KMT5A: variants seen among roughly 807,000 people sequenced by gnomAD.
KMT5A encodes the protein N-lysine methyltransferase KMT5A.
Under a neutral mutation model 40.6 loss-of-function variants are expected in KMT5A, and 6 were observed. That is an observed-to-expected ratio of 0.15 (90% CI 0.08 to 0.29). The LOEUF is 0.29. KMT5A is among the 10% of genes least tolerant of loss of function. KMT5A has a pLI of 1.00. For missense variants in KMT5A, 308 were observed against 459.1 expected (o/e 0.67, Z 3.01); for synonymous variants, 153 against 178.8 (o/e 0.86, Z 1.15).
Position 123,404,989 on chromosome 12 carries a change from G to A in KMT5A, c.763G>A (p.Ala255Thr). The A allele has an allele frequency of 1.2e-6, 2 of 1,614,036 alleles. No homozygotes were observed. Among genetic ancestry groups the A allele is most frequent in the Non-Finnish European group, 1.7e-6 (2 of 1,179,984 alleles). Reference protein sequence around the residue: ...YHGDLIEITDAKKREALYAQD... With the variant: ...YHGDLIEITDTKKREALYAQD... ...CGGGGACCTCATCGAGATCACCGAC[G>A]CCAAGAAACGGGAGGCTCTGTACGC... Residue 255 changes from alanine to threonine, a missense_variant, in exon 7 of 8, where the codon GCC becomes ACC. Physicochemically the swap from Ala to Thr is moderately conservative, Grantham distance 58 (BLOSUM62 0). Transcript: ENST00000402868.
rs777226370 is a variant in KMT5A, at chr12:123,404,986, G to A, written c.760G>A (p.Asp254Asn). The change falls in exon 7 of 8, where the codon GAC (aspartate) becomes AAC (asparagine). Residue 254 changes from aspartate (D) to asparagine (N), a missense_variant. Asp to Asn is a conservative substitution (Grantham distance 23). This residue lies in a region of KMT5A where 77 missense variants were observed against 220.0 expected (regional missense o/e 0.35). Coordinates refer to ENST00000402868, the MANE Select transcript of KMT5A (RefSeq NM_020382.7). The stretch of plus-strand genomic sequence containing the variant: ...CCACGGGGACCTCATCGAGATCACC[G>A]ACGCCAAGAAACGGGAGGCTCTGTA... ...EYHGDLIEIT[D>N]AKKREALYAQ... is the part of the protein sequence containing the mutation. 1.5e-5 allele frequency: 25 copies of A among 1,613,938 alleles called. No individual in the cohort carries two copies. The Admixed American group carries it at 3.8e-4, about 25-fold the overall frequency.
intron 1 of KMT5A, among the ~76,000 whole-genome samples, chr12:123,385,238 A>G (rs1456458851): frequency 6.6e-6 from 1 of 152,122 alleles, no homozygotes; most frequent in African/African-American, 2.4e-5. Context: ...TAGCATCCCT[A>G]GAGGTTCTTT....
intron 7 of KMT5A, among the ~76,000 whole-genome samples, chr12:123,406,853 C>T (rs1488835704): frequency 1.3e-5 from 2 of 151,752 alleles, no homozygotes; most frequent in African/African-American, 4.8e-5. Context: ...CCCATCTCTA[C>T]TAAAAATACA....
In KMT5A at chr12:123,409,169, A is replaced by AC. The variant is rs1005779532; in HGVS notation, c.*1472dup. Reference sequence around the variant, plus strand: ...GCTACCTAAGAAAGTCTTCCCTCCCACCCCCCGCTAGCCTGGTCAGTGGTC... The same window carrying AC: ...GCTACCTAAGAAAGTCTTCCCTCCCACCCCCCCGCTAGCCTGGTCAGTGGTC... On this transcript the variant is annotated 3_prime_UTR_variant, in exon 8 of 8. Transcript: ENST00000402868. 2 of 142,562 alleles carry AC rather than the reference A, an allele frequency of 1.4e-5. No homozygotes were observed. The highest frequency in any genetic ancestry group is 7.0e-5 in the Admixed American group (1 of 14,236). The allele number at this position is 142,562 out of a possible 1,614,324, so 8.8% of individuals were successfully genotyped here.
In KMT5A at chr12:123,395,213, C is replaced by T. The variant is rs772539352; in HGVS notation, c.456C>T (p.Ile152=). 9.9e-6 allele frequency: 16 copies of T among 1,613,488 alleles called. No homozygotes were observed. The East Asian group carries it at 1.1e-4, about 11-fold the overall frequency. Residue 152 remains isoleucine, a synonymous_variant, in exon 4 of 8, where the codon ATC becomes ATT. Transcript: ENST00000402868. ...PSSCDSTNAA[I]AKQALKKPIK... is the part of the protein sequence containing the mutation. Reference sequence around the variant, plus strand: ...CTTGTGATTCCACCAATGCAGCCATCGCCAAGCAAGCCCTGAAAAAGCCCA... The same window carrying T: ...CTTGTGATTCCACCAATGCAGCCATTGCCAAGCAAGCCCTGAAAAAGCCCA...
Position 123,390,701 on chromosome 12 carries a change from C to T in KMT5A, c.204C>T (p.Phe68=), listed in dbSNP as rs761116223. The T allele has an allele frequency of 1.2e-5, 19 of 1,613,920 alleles. No homozygotes were observed. Among genetic ancestry groups the T allele is most frequent in the Non-Finnish European group, 1.5e-5 (18 of 1,179,840 alleles). Residue 68 remains phenylalanine, a synonymous_variant, in exon 3 of 8, where the codon TTC becomes TTT. Coordinates refer to ENST00000402868, the MANE Select transcript of KMT5A (RefSeq NM_020382.7). The stretch of plus-strand genomic sequence containing the variant: ...CGAACAAATGCTCTGGAATGCGTTT[C>T]CCCCTTCAGGAAGAGAACTCAGTTA... ...MSPNKCSGMR[F]PLQEENSVTH...
intron 5 of KMT5A, among the ~76,000 whole-genome samples, chr12:123,401,859 G>T (rs1593471830): frequency 6.6e-6 from 1 of 152,110 alleles, no homozygotes; most frequent in South Asian, 2.1e-4. Flanking sequence ...TGGGATGACA[G>T]ACGTGAGCCA....
chr12:123,405,498 T>C (rs1343339843), intron 7 of KMT5A, among the ~76,000 whole-genome samples: 1 of 147,476 alleles, frequency 6.8e-6, no homozygotes, highest in Non-Finnish European at 1.5e-5. Flanking sequence ...AAAGCTGTGA[T>C]GCAATTATCG....
At chr12:123,399,534 C>T (rs768043599) in intron 5 of KMT5A, among the ~76,000 whole-genome samples, 21 of 152,348 alleles carry the variant, frequency 1.4e-4, no homozygotes, top group African/African-American at 4.6e-4. Flanking sequence ...CATGGGCCCC[C>T]GTACTTCTCA....
chr12:123,396,796 T>C lies in KMT5A; in HGVS notation c.597+364T>C, dbSNP rs186154740. ...CTGCCTGTTCTTTCAGAGGCTTTTC[T>C]TGTCTGTTTTCTGGAAGTTTCCATG... On this transcript the variant is annotated intron_variant, in intron 5 of 7. Coordinates refer to ENST00000402868, the MANE Select transcript of KMT5A (RefSeq NM_020382.7). Among the ~76,000 whole-genome samples, 49 of 152,308 alleles carry C rather than the reference T, an allele frequency of 3.2e-4. 1 individual carries two copies. In the East Asian group the frequency reaches 8.1e-3, roughly 25 times the overall value.
chr12:123,391,856 G>A (rs1877342002), intron 3 of KMT5A, among the ~76,000 whole-genome samples: 1 of 152,242 alleles, frequency 6.6e-6, no homozygotes, highest in African/African-American at 2.4e-5. Flanking sequence ...TCTGGGGCCG[G>A]ATCTGAGAAC....
chr12:123,403,441 C>A, intron 5 of KMT5A, 132 bp from the exon 6 acceptor site: 2 of 859,910 alleles, frequency 2.3e-6, no homozygotes, highest in Middle Eastern at 2.5e-4. Flanking sequence ...ACCCATCATC[C>A]CCAGTGATGC....
chr12:123,404,480 CAG>C (rs1423323524), intron 6 of KMT5A, among the ~76,000 whole-genome samples: 1 of 152,228 alleles, frequency 6.6e-6, no homozygotes, highest in Non-Finnish European at 1.5e-5. Context: ...AGCCCCTAGA[CAG>C]AGAAACCAGG....
In KMT5A at chr12:123,384,399, C is replaced by T. The variant is rs1876740483; in HGVS notation, c.10+191C>T. Among the ~76,000 whole-genome samples the T allele has an allele frequency of 6.6e-6, 1 of 152,190 alleles. No homozygotes were observed. Among genetic ancestry groups the T allele is most frequent in the African/African-American group, 2.4e-5 (1 of 41,460 alleles). On this transcript the variant is annotated intron_variant, in intron 1 of 7. Coordinates refer to ENST00000402868, the MANE Select transcript of KMT5A (RefSeq NM_020382.7). The surrounding 1 kb of genome is among the most constrained non-coding windows in gnomAD (Gnocchi z 5.7). The stretch of plus-strand genomic sequence containing the variant: ...GCCCCCCCTTGCGGCTCCAGATGCC[C>T]CCAGAAACCCTTCCCACTGCCGTGC...
At chr12:123,390,026 C>T (rs766783898) in intron 2 of KMT5A, 1 of 464,958 alleles carries the variant, frequency 2.2e-6, no homozygotes, top group South Asian at 1.5e-5. Flanking sequence ...GTGCGGCTTG[C>T]GACAAAGTGG....
rs1205162682 is a variant in KMT5A at position 123,390,713 on chromosome 12, A to G, written c.216A>G (p.Glu72=). ...KCSGMRFPLQ[E]ENSVTHHEVK... ...CTGGAATGCGTTTCCCCCTTCAGGA[A>G]GAGAACTCAGTTACACATCACGAAG... Residue 72 remains glutamate, a synonymous_variant, in exon 3 of 8, where the codon GAA becomes GAG. Transcript: ENST00000402868. The G allele has an allele frequency of 1.2e-5, 20 of 1,613,860 alleles. No homozygotes were observed. The highest frequency in any genetic ancestry group is 2.2e-5 in the East Asian group (1 of 44,904).
In KMT5A at chr12:123,408,717, TC is replaced by T. The variant is rs1347995761; in HGVS notation, c.*1016del. 1 of 152,420 alleles carries T rather than the reference TC, an allele frequency of 6.6e-6. No homozygotes were observed. The highest frequency in any genetic ancestry group is 1.5e-5 in the Non-Finnish European group (1 of 68,002). The allele number at this position is 152,420 out of a possible 1,614,324, so 9.4% of individuals were successfully genotyped here. A position where few individuals can be genotyped will look rare whatever the true frequency, so the allele number is the denominator to read the frequency against. Reference sequence around the variant, plus strand: ...CCCTCATCCTGCTGGGGTTGAAAGTTCCAGACCTGCTGTCGAGGCCTTGTGT... The same window carrying T: ...CCCTCATCCTGCTGGGGTTGAAAGTTCAGACCTGCTGTCGAGGCCTTGTGT... On this transcript the variant is annotated 3_prime_UTR_variant, in exon 8 of 8. Transcript: ENST00000402868.
chr12:123,396,503 G>A (rs767461555), intron 5 of KMT5A, 71 bp downstream of exon 5: 40 of 1,364,506 alleles, frequency 2.9e-5, no homozygotes, highest in African/African-American at 7.1e-5. Context: ...TGGCGTGTGC[G>A]TATGTGTGTG....
In KMT5A at chr12:123,384,222, T is replaced by C. The variant is rs1876727466; in HGVS notation, c.10+14T>C. The C allele has an allele frequency of 6.2e-7, 1 of 1,612,778 alleles. No individual in the cohort carries two copies. The highest frequency in any genetic ancestry group is 8.5e-7 in the Non-Finnish European group (1 of 1,179,432). On this transcript the variant is annotated intron_variant, in intron 1 of 7. Transcript: ENST00000402868. The surrounding 1 kb of genome is among the most constrained non-coding windows in gnomAD (Gnocchi z 5.7). The stretch of plus-strand genomic sequence containing the variant: ...CCATGGCTAGAGGTATTTGCCCAAG[T>C]GGCCGGCACCGGAGCGGCTGGGTCG...
Sources: gnomAD v4.1 joint callset for allele counts (sites outside exome capture counted in the v4.1 genomes callset) on GRCh38, gnomAD v4.1.1 for gene constraint, gnomAD v4.1.1 regional missense constraint, Gnocchi (gnomAD v3.1) non-coding constraint, MANE v1.5 for transcripts, NCBI Gene and HGNC (gene_info 2026-07-23, HGNC 2026-07-21) for gene names.